The following CASK variants were observed in gnomAD, a reference collection of about 807,000 sequenced individuals.
The protein encoded by CASK is calcium/calmodulin dependent serine protein kinase.
In CASK, 4 loss-of-function variants were observed where a neutral mutation model predicts 82.9. That is an observed-to-expected ratio of 0.05 (90% CI 0.02 to 0.11). The LOEUF is 0.11. Among genes scored for constraint, CASK ranks in the 10% least tolerant of loss-of-function variants. The pLI, the probability that CASK is intolerant of heterozygous loss-of-function variation, is 1.00. For synonymous variants in CASK, 259 were observed against 253.5 expected (o/e 1.02, Z -0.20); for missense variants, 358 against 720.9 (o/e 0.50, Z 5.76).
At chrX:41,612,754 G>C (rs757306293) in intron 11 of CASK, among the ~76,000 whole-genome samples, 1 of 92,924 alleles carries the variant, frequency 1.1e-5, no homozygotes, top group Non-Finnish European at 2.2e-5. Flanking sequence ...AGGGAGGTGG[G>C]GGGGGGTCAA....
At chrX:41,566,232 C>T (rs938655317) in intron 16 of CASK, among the ~76,000 whole-genome samples, 3 of 111,515 alleles carry the variant, frequency 2.7e-5, no homozygotes, top group Non-Finnish European at 3.8e-5. Flanking sequence ...AAGTTCTGGC[C>T]AGGGCAATCA....
chrX:41,605,506 G>C (rs1425294691), intron 12 of CASK, among the ~76,000 whole-genome samples: 1 of 110,660 alleles, frequency 9.0e-6, no homozygotes, highest in Admixed American at 9.7e-5. Flanking sequence ...GGTTGAGGTA[G>C]GAGGGTGCTT....
intron 5 of CASK, chrX:41,696,671 T>A: frequency 8.3e-7 from 1 of 1,209,988 alleles, no homozygotes; most frequent in Non-Finnish European, 1.1e-6. Flanking sequence ...TTAGACGATT[T>A]CAAGGTGAAC....
At chrX:41,595,504 G>C (rs2065808173) in intron 12 of CASK, among the ~76,000 whole-genome samples, 1 of 111,539 alleles carries the variant, frequency 9.0e-6, no homozygotes, top group African/African-American at 3.3e-5. Context: ...ACTCAAGATG[G>C]GGAGGTAGGA....
intron 1 of CASK, among the ~76,000 whole-genome samples, chrX:41,873,805 T>TA (rs1431889679): frequency 4.9e-5 from 5 of 102,336 alleles, no homozygotes; most frequent in Non-Finnish European, 1.0e-4. Context: ...TTTTTTTTTT[T>TA]TGGAGACAGA....
chrX:41,712,529 A>G (rs1310036829), intron 5 of CASK, among the ~76,000 whole-genome samples: 1 of 112,524 alleles, frequency 8.9e-6, no homozygotes, highest in Non-Finnish European at 1.9e-5. Flanking sequence ...AGACCTAACC[A>G]ACTCCATCTT....
At chrX:41,612,044 C>G (rs1419259616) in intron 11 of CASK, among the ~76,000 whole-genome samples, 2 of 110,895 alleles carry the variant, frequency 1.8e-5, no homozygotes, top group Admixed American at 9.5e-5. Flanking sequence ...GATCTCGGCT[C>G]GCTACAACCT....
At chrX:41,660,388 C>A (rs1359952415) in intron 8 of CASK, 51 bp downstream of exon 8, 1 of 1,058,431 alleles carries the variant, frequency 9.4e-7, no homozygotes, top group South Asian at 1.9e-5. Context: ...ATTCCTGTCA[C>A]TGGAAGTGTT....
intron 5 of CASK, among the ~76,000 whole-genome samples, chrX:41,682,731 T>A (rs1192812866): frequency 9.3e-6 from 1 of 107,248 alleles, no homozygotes; most frequent in Non-Finnish European, 1.9e-5. Context: ...CCTGCCTCAG[T>A]CTCCAGAGAA....
chrX:41,712,103 T>C (rs2067987239), intron 5 of CASK, among the ~76,000 whole-genome samples: 1 of 111,785 alleles, frequency 8.9e-6, no homozygotes, highest in Admixed American at 9.4e-5. Flanking sequence ...ATTGGCAAAG[T>C]GGCCAAGAAA....
chrX:41,847,814 T>C (rs1046761953), intron 2 of CASK, among the ~76,000 whole-genome samples: 1 of 112,029 alleles, frequency 8.9e-6, no homozygotes, highest in African/African-American at 3.2e-5. Context: ...GTTTAGTCTT[T>C]GCTCAAGGGT....
intron 3 of CASK, among the ~76,000 whole-genome samples, 169 bp from the exon 4 acceptor site, chrX:41,745,770 C>G (rs886262516): frequency 1.8e-5 from 2 of 112,133 alleles, no homozygotes; most frequent in African/African-American, 6.5e-5. Context: ...AAGGGCATGA[C>G]AGTCATCTTC....
At chrX:41,833,532 G>A (rs1295346522) in intron 2 of CASK, among the ~76,000 whole-genome samples, 4 of 110,940 alleles carry the variant, frequency 3.6e-5, no homozygotes. Flanking sequence ...TCTTTTGGGG[G>A]AGATGAAAAT....
intron 3 of CASK, among the ~76,000 whole-genome samples, chrX:41,780,297 G>A (rs912875078): frequency 8.9e-6 from 1 of 112,340 alleles, no homozygotes; most frequent in African/African-American, 3.2e-5. Context: ...TCAAATTTAA[G>A]TGTAATCCCA....
chrX:41,696,106 G>C (rs768784541), intron 5 of CASK: 1 of 1,200,449 alleles, frequency 8.3e-7, no homozygotes, highest in Non-Finnish European at 1.1e-6. Flanking sequence ...AAAATTAATC[G>C]GTCTATACAG....
chrX:41,854,224 GCACACACACACACACACACACACA>G (rs4007745), intron 1 of CASK, among the ~76,000 whole-genome samples: 13 of 81,718 alleles, frequency 1.6e-4, no homozygotes, highest in African/African-American at 6.0e-4. Context: ...GCGGGCGCGC[GCACACACACACACACACACACACA>G]CACACACACA....
chrX:41,759,122 C>G (rs1398895038), intron 3 of CASK, among the ~76,000 whole-genome samples: 1 of 111,963 alleles, frequency 8.9e-6, no homozygotes, highest in Non-Finnish European at 1.9e-5. Flanking sequence ...TTTAAAAGCT[C>G]TCTAAAGATC....
At chrX:41,872,770 C>A (rs1282070789) in intron 1 of CASK, among the ~76,000 whole-genome samples, 1 of 110,551 alleles carries the variant, frequency 9.0e-6, no homozygotes, top group Non-Finnish European at 1.9e-5. Flanking sequence ...GCTCCAGGAT[C>A]CCATCCAGCA....
At chrX:41,740,245 CTGAG>C (rs2068571801) in intron 4 of CASK, among the ~76,000 whole-genome samples, 1 of 111,741 alleles carries the variant, frequency 8.9e-6, no homozygotes, top group Admixed American at 9.5e-5. Flanking sequence ...TACTCTTTCT[CTGAG>C]TATCTGTTTC....
Sources: gnomAD v4.1 joint callset for allele counts (sites outside exome capture counted in the v4.1 genomes callset) on GRCh38, gnomAD v4.1.1 for gene constraint, MANE v1.5 for transcripts, NCBI Gene and HGNC (gene_info 2026-07-23, HGNC 2026-07-21) for gene names.